The following TTLL5 variants were observed in gnomAD, a reference collection of about 807,000 sequenced individuals.
TTLL5 encodes tubulin tyrosine ligase like 5.
In TTLL5, 132 loss-of-function variants were observed where a neutral mutation model predicts 168.4. The ratio of observed to expected loss-of-function variants is 0.78; its 90% CI spans 0.68 to 0.91. The LOEUF is 0.91. Among genes scored for constraint, TTLL5 ranks in the 40% least tolerant of loss-of-function variants. TTLL5 has a pLI of 0.00. For synonymous variants in TTLL5, 546 were observed against 558.6 expected, an observed-to-expected ratio of 0.98 and a Z score of 0.32; for missense variants, 1,545 against 1,581.5, an observed-to-expected ratio of 0.98 and a Z score of 0.39.
chr14:75,740,330 G>T (rs1025980831), intron 15 of TTLL5, among the ~76,000 whole-genome samples: 6 of 151,886 alleles, frequency 4.0e-5, no homozygotes, highest in African/African-American at 1.5e-4. Flanking sequence ...TTTAATATTT[G>T]TTCCATTATT....
chr14:75,888,763 G>A (rs749675430), intron 30 of TTLL5, among the ~76,000 whole-genome samples: 6 of 151,908 alleles, frequency 3.9e-5, no homozygotes, highest in Admixed American at 1.3e-4. Context: ...GTAAAAGCCC[G>A]TCTCTGCTAG....
At chr14:75,897,108 C>A (rs970014218) in intron 30 of TTLL5, among the ~76,000 whole-genome samples, 3 of 152,164 alleles carry the variant, frequency 2.0e-5, no homozygotes, top group Admixed American at 6.6e-5. Flanking sequence ...TGAACAACTT[C>A]TTTGAAAGGC....
Position 75,905,558 on chromosome 14 carries a change from T to G in TTLL5, c.3823+3334T>G, listed in dbSNP as rs1200993864. ...GACTTACCAACCTCAGGCTTTATAT[T>G]AGTAGTTTGCTGTGGAAGGGAAGTT... is the stretch of plus-strand genomic sequence containing the variant. On this transcript the variant is annotated intron_variant, in intron 31 of 31. Coordinates refer to ENST00000298832, the MANE Select transcript of TTLL5 (RefSeq NM_015072.5). 2.0e-5 allele frequency among the ~76,000 whole-genome samples: 3 copies of G among 152,180 alleles called. No individual in the cohort carries two copies. In the East Asian group the frequency reaches 5.8e-4, roughly 29 times the overall value.
At chr14:75,924,630 CAGA>C (rs2033947154) in intron 31 of TTLL5, among the ~76,000 whole-genome samples, 1 of 151,940 alleles carries the variant, frequency 6.6e-6, no homozygotes, top group African/African-American at 2.4e-5. Context: ...GATCCCAAGG[CAGA>C]AGAATTTTTT....
chr14:75,707,937 T>C (rs1886776762), intron 9 of TTLL5, among the ~76,000 whole-genome samples: 1 of 152,228 alleles, frequency 6.6e-6, no homozygotes, highest in Non-Finnish European at 1.5e-5. Flanking sequence ...TCACTGCATG[T>C]CCACACATAA....
At chr14:75,861,851 A>G (rs1566634886) in intron 28 of TTLL5, among the ~76,000 whole-genome samples, 2 of 152,216 alleles carry the variant, frequency 1.3e-5, no homozygotes, top group African/African-American at 4.8e-5. Context: ...ATACTAAAAT[A>G]TATTTAGCAT....
chr14:75,868,360 C>T (rs562683719), intron 29 of TTLL5, among the ~76,000 whole-genome samples: 1 of 152,164 alleles, frequency 6.6e-6, no homozygotes, highest in South Asian at 2.1e-4. Context: ...CTTTCGAAAC[C>T]CCTTCAATTT....
Position 75,910,893 on chromosome 14 carries a change from T to C in TTLL5, c.3823+8669T>C, listed in dbSNP as rs140140440. 2.2e-3 allele frequency among the ~76,000 whole-genome samples: 336 copies of C among 152,384 alleles called. 3 individuals are homozygous for C. Among genetic ancestry groups the C allele is most frequent in the African/African-American group, 7.7e-3 (320 of 41,596 alleles). ...AAACTAAAACAGTAGTCTCTTATAC[T>C]TCTTTGTTCTCGTCTTTTGAACATG... On this transcript the variant is annotated intron_variant, in intron 31 of 31. Transcript: ENST00000298832.
intron 26 of TTLL5, 116 bp downstream of exon 26, chr14:75,783,646 A>G (rs1350103157): frequency 1.7e-5 from 23 of 1,379,770 alleles, no homozygotes; most frequent in East Asian, 1.4e-4. Flanking sequence ...AAATGGACAC[A>G]CACTGCATTG....
At chr14:75,894,812 A>T (rs529951347) in intron 30 of TTLL5, among the ~76,000 whole-genome samples, 75 of 152,322 alleles carry the variant, frequency 4.9e-4, no homozygotes, top group Non-Finnish European at 9.6e-4. Context: ...CAGAAGGAAA[A>T]CTGGTATAGC....
chr14:75,885,875 A>C (rs1176713176), intron 30 of TTLL5, among the ~76,000 whole-genome samples: 1 of 152,224 alleles, frequency 6.6e-6, no homozygotes, highest in Non-Finnish European at 1.5e-5. Flanking sequence ...CTGGTATGTA[A>C]TACATACTAA....
chr14:75,937,011 A>G (rs1288033666), intron 31 of TTLL5, among the ~76,000 whole-genome samples: 4 of 152,248 alleles, frequency 2.6e-5, no homozygotes, highest in Admixed American at 6.5e-5. Flanking sequence ...AGAATAAGTG[A>G]TAGATCAATA....
At chr14:75,699,500 AG>A (rs1886103972) in intron 7 of TTLL5, among the ~76,000 whole-genome samples, 1 of 152,218 alleles carries the variant, frequency 6.6e-6, no homozygotes, top group Non-Finnish European at 1.5e-5. Context: ...ATCAGATTTT[AG>A]GGGAGGGCAA....
chr14:75,745,216 T>C lies in TTLL5; in HGVS notation c.1395+8T>C, dbSNP rs370451570. On this transcript the variant is annotated splice_region_variant and intron_variant, in intron 16 of 31. Coordinates refer to ENST00000298832, the MANE Select transcript of TTLL5 (RefSeq NM_015072.5). ...GGTCTGTCAATGGAGGAGGTAAAGA[T>C]AAGTTCATTTTAGGCTTTTGTGGGT... 4 of 1,613,310 alleles carry C rather than the reference T, an allele frequency of 2.5e-6. No individual in the cohort carries two copies. In the African/African-American group the frequency reaches 5.3e-5, roughly 22 times the overall value.
intron 27 of TTLL5, among the ~76,000 whole-genome samples, chr14:75,793,571 C>G (rs1892837641): frequency 6.6e-6 from 1 of 152,020 alleles, no homozygotes; most frequent in South Asian, 2.1e-4. Context: ...TACCCTTATC[C>G]AATATAATAT....
chr14:75,870,526 A>T (rs1435670870), intron 29 of TTLL5, among the ~76,000 whole-genome samples: 4 of 152,216 alleles, frequency 2.6e-5, no homozygotes, highest in African/African-American at 9.6e-5. Context: ...TTTAGCACCT[A>T]ACAACACATG....
intron 27 of TTLL5, among the ~76,000 whole-genome samples, chr14:75,805,465 C>T (rs553696495): frequency 6.6e-6 from 1 of 152,300 alleles, no homozygotes; most frequent in Admixed American, 6.5e-5. Context: ...GAATTCTAGG[C>T]TGTAATCCTC....
intron 31 of TTLL5, among the ~76,000 whole-genome samples, chr14:75,910,464 A>G (rs901671145): frequency 6.6e-6 from 1 of 152,192 alleles, no homozygotes; most frequent in Non-Finnish European, 1.5e-5. Flanking sequence ...CTGTCTTTAT[A>G]TATATCACTC....
rs555271925 is a variant in TTLL5, at chr14:75,729,064, C to T, written c.1043-3274C>T. 7.3e-5 allele frequency among the ~76,000 whole-genome samples: 11 copies of T among 150,952 alleles called. No homozygotes were observed. The South Asian group carries it at 2.3e-3, about 32-fold the overall frequency. ...AGACGTTAAGTGTAGATTGCTTTTTCAAGGAACCCTATTAAAGAGGTAGGA... is the reference window on the plus strand; with the variant it reads ...AGACGTTAAGTGTAGATTGCTTTTTTAAGGAACCCTATTAAAGAGGTAGGA... On this transcript the variant is annotated intron_variant, in intron 12 of 31. Coordinates refer to ENST00000298832, the MANE Select transcript of TTLL5 (RefSeq NM_015072.5).
Sources: gnomAD v4.1 joint callset for allele counts (sites outside exome capture counted in the v4.1 genomes callset) on GRCh38, gnomAD v4.1.1 for gene constraint, MANE v1.5 for transcripts, NCBI Gene and HGNC (gene_info 2026-07-23, HGNC 2026-07-21) for gene names.